The following HIBCH variants were observed in gnomAD, a reference collection of about 807,000 sequenced individuals.
HIBCH encodes 3-hydroxyisobutyryl-CoA hydrolase, also known as 3-hydroxyisobutyryl-CoA hydrolase, mitochondrial.
HIBCH carries 50 observed loss-of-function variants against 58.2 expected under a neutral mutation model. The ratio of observed to expected loss-of-function variants is 0.86; its 90% CI spans 0.68 to 1.09. The LOEUF is 1.09. Ranked by LOEUF, HIBCH falls within the 50% of genes least tolerant of loss-of-function variation. HIBCH has a pLI of 0.00. For missense variants in HIBCH, 450 were observed against 449.7 expected, an observed-to-expected ratio of 1.00 and a Z score of -0.01; for synonymous variants, 151 against 146.9, an observed-to-expected ratio of 1.03 and a Z score of -0.20.
chr2:190,221,032 G>C (rs1432058462), intron 11 of HIBCH, among the ~76,000 whole-genome samples: 1 of 152,076 alleles, frequency 6.6e-6, no homozygotes, highest in Non-Finnish European at 1.5e-5. Flanking sequence ...TTCCTCAGTT[G>C]GTTATCAATT....
intron 4 of HIBCH, among the ~76,000 whole-genome samples, chr2:190,294,020 G>GTA (rs1413194024): frequency 0.025 from 3,083 of 125,544 alleles, 125 homozygotes; most frequent in East Asian, 0.24. Flanking sequence ...TATATTTTGT[G>GTA]TGTATATATA....
intron 11 of HIBCH, among the ~76,000 whole-genome samples, chr2:190,240,567 A>C (rs1686420575): frequency 6.6e-6 from 1 of 151,868 alleles, no homozygotes. Context: ...TAGTTCTTTT[A>C]ACTGTGATGT....
chr2:190,310,434 C>T (rs956512434), intron 2 of HIBCH, among the ~76,000 whole-genome samples: 1 of 152,142 alleles, frequency 6.6e-6, no homozygotes, highest in Non-Finnish European at 1.5e-5. Context: ...TTTATAAGCA[C>T]TCTAAGGTAG....
downstream of HIBCH, chr2:190,200,055 G>A: frequency 6.2e-7 from 1 of 1,614,078 alleles, no homozygotes; most frequent in South Asian, 1.1e-5. Context: ...CACACCGCCT[G>A]TCTCAGGATA....
chr2:190,314,760 T>G (rs2124873694), intron 1 of HIBCH, among the ~76,000 whole-genome samples: 1 of 152,288 alleles, frequency 6.6e-6, no homozygotes, highest in Middle Eastern at 3.4e-3. Flanking sequence ...ATGACAGGTG[T>G]GAGCCACCGC....
chr2:190,202,091 A>C (rs1690262075), downstream of HIBCH: 1 of 167,044 alleles, frequency 6.0e-6, no homozygotes, highest in Non-Finnish European at 1.5e-5. Context: ...TTGTATCTAA[A>C]TATTTTAATT....
intron 6 of HIBCH, chr2:190,280,018 G>GC (rs1270388137): frequency 6.6e-6 from 1 of 152,204 alleles, no homozygotes; most frequent in Non-Finnish European, 1.5e-5. Flanking sequence ...AAAACTGCCG[G>GC]CAAGTGTACT....
At chr2:190,296,443 G>A (rs931728890) in intron 3 of HIBCH, among the ~76,000 whole-genome samples, 25 of 148,630 alleles carry the variant, frequency 1.7e-4, no homozygotes, top group Non-Finnish European at 3.3e-4. Flanking sequence ...AAAAGCAGCT[G>A]TCTTCAAATG....
intron 6 of HIBCH, among the ~76,000 whole-genome samples, chr2:190,278,292 C>T (rs1315833400): frequency 6.6e-6 from 1 of 152,114 alleles, no homozygotes; most frequent in Non-Finnish European, 1.5e-5. Context: ...GCAACCTCCA[C>T]CTCCCGGGTT....
rs56742312 is a variant in HIBCH, at chr2:190,216,961, G to A, written c.892-3886C>T. Among the ~76,000 whole-genome samples, 30,086 of 152,120 alleles carry A rather than the reference G, an allele frequency of 0.2. 3,277 individuals are homozygous for A. Among genetic ancestry groups the A allele is most frequent in the East Asian group, 0.34 (1,738 of 5,150 alleles). ...TGGAATACAAACAGTACAGCTCTCC[G>A]CCTGCCAGGGAGAGGAATGGTGTCT... On this transcript the variant is annotated intron_variant, in intron 11 of 13. Coordinates refer to ENST00000359678, the MANE Select transcript of HIBCH (RefSeq NM_014362.4). This position sits in a 1 kb window ranked among gnomAD's most constrained non-coding sequence, Gnocchi z 4.2.
Position 190,281,773 on chromosome 2 carries a change from T to A in HIBCH, c.438+5813A>T, listed in dbSNP as rs575084660. The stretch of plus-strand genomic sequence containing the variant: ...TTATGTAAGCTATTAAAAGTAGCCA[T>A]GCAGCAGCCTGAATGCTTTGCGGAT... On this transcript the variant is annotated intron_variant, in intron 6 of 13. Coordinates refer to ENST00000359678, the MANE Select transcript of HIBCH (RefSeq NM_014362.4). This position sits in a 1 kb window ranked among gnomAD's most constrained non-coding sequence, Gnocchi z 5.4. 6.6e-6 allele frequency among the ~76,000 whole-genome samples: 1 copy of A among 152,234 alleles called. No individual in the cohort carries two copies. Among genetic ancestry groups the A allele is most frequent in the African/African-American group, 2.4e-5 (1 of 41,464 alleles).
rs1251700118 is a variant in HIBCH, at chr2:190,213,173, C to T, written c.892-98G>A. On this transcript the variant is annotated intron_variant, in intron 11 of 13. Coordinates refer to ENST00000359678, the MANE Select transcript of HIBCH (RefSeq NM_014362.4). ...CTATGTAAATAATATTAAAATATGC[C>T]AAAATCTCATAAAAGATTATACCCT... is the stretch of plus-strand genomic sequence containing the variant. 3 of 1,023,646 alleles carry T rather than the reference C, an allele frequency of 2.9e-6. No homozygotes were observed. The African/African-American group carries it at 4.8e-5, about 16-fold the overall frequency. 63.4% of individuals were successfully genotyped at this position (1,023,646 alleles called of 1,614,324 possible). A position where few individuals can be genotyped will look rare whatever the true frequency, so the allele number is the denominator to read the frequency against.
intron 6 of HIBCH, among the ~76,000 whole-genome samples, chr2:190,271,860 C>T (rs1005205134): frequency 6.6e-6 from 1 of 152,180 alleles, no homozygotes; most frequent in South Asian, 2.1e-4. Context: ...TAACCCCTAT[C>T]TCCTTCACAG....
chr2:190,200,196 A>T, downstream of HIBCH: 1 of 1,535,764 alleles, frequency 6.5e-7, no homozygotes, highest in East Asian at 2.3e-5. Flanking sequence ...AGTTTGAATA[A>T]ATGTGACAAA....
chr2:190,282,050 G>A (rs1462798924), intron 6 of HIBCH, among the ~76,000 whole-genome samples: 1 of 152,044 alleles, frequency 6.6e-6, no homozygotes, highest in Non-Finnish European at 1.5e-5. Context: ...CCCCAGCCTT[G>A]TCTTCTTCTG....
intron 7 of HIBCH, among the ~76,000 whole-genome samples, chr2:190,253,640 GTGATCT>G (rs994256780): frequency 1.3e-5 from 2 of 152,112 alleles, no homozygotes; most frequent in Non-Finnish European, 2.9e-5. Flanking sequence ...AATAGCCAAA[GTGATCT>G]TTTAAAAACA....
chr2:190,281,795 G>C lies in HIBCH; in HGVS notation c.438+5791C>G, dbSNP rs141965638. ...CCATGCAGCAGCCTGAATGCTTTGC[G>C]GATTAGATAGATCTTCTTCCAGGCA... is the stretch of plus-strand genomic sequence containing the variant. On this transcript the variant is annotated intron_variant, in intron 6 of 13. Coordinates refer to ENST00000359678, the MANE Select transcript of HIBCH (RefSeq NM_014362.4). This position sits in a 1 kb window ranked among gnomAD's most constrained non-coding sequence, Gnocchi z 5.4. Among the ~76,000 whole-genome samples, 1 of 152,066 alleles carries C rather than the reference G, an allele frequency of 6.6e-6. No homozygotes were observed. Among genetic ancestry groups the C allele is most frequent in the Non-Finnish European group, 1.5e-5 (1 of 68,018 alleles).
intron 12 of HIBCH, among the ~76,000 whole-genome samples, chr2:190,212,223 C>T (rs1476819647): frequency 6.6e-6 from 1 of 152,196 alleles, no homozygotes; most frequent in Non-Finnish European, 1.5e-5. Flanking sequence ...GACTTTAAGA[C>T]ATGGCTAACA....
In HIBCH at chr2:190,293,169, TCAAGGC is replaced by T. The variant is rs560152203; in HGVS notation, c.304+1371_304+1376del. ...ATCACAGGCCAGACGAAAGGCTAAT[TCAAGGC>T]TGAAAAACAGTATTTTAAAAATATG... On this transcript the variant is annotated intron_variant, in intron 4 of 13. Coordinates refer to ENST00000359678, the MANE Select transcript of HIBCH (RefSeq NM_014362.4). 6.7e-3 allele frequency among the ~76,000 whole-genome samples: 1,025 copies of T among 152,250 alleles called. 12 individuals carry two copies. The highest frequency in any genetic ancestry group is 0.022 in the African/African-American group (932 of 41,542).
Sources: gnomAD v4.1 joint callset for allele counts (sites outside exome capture counted in the v4.1 genomes callset) on GRCh38, gnomAD v4.1.1 for gene constraint, Gnocchi (gnomAD v3.1) non-coding constraint, MANE v1.5 for transcripts, NCBI Gene and HGNC (gene_info 2026-07-23, HGNC 2026-07-21) for gene names.